Variants in RPTOR observed in about 807,000 individuals in gnomAD.
RPTOR encodes regulatory associated protein of MTOR complex 1.
Under a neutral mutation model 169.9 loss-of-function variants are expected in RPTOR, and 21 were observed. That is an observed-to-expected ratio of 0.12 (90% CI 0.09 to 0.18). RPTOR has a LOEUF of 0.18. RPTOR is among the 10% of genes least tolerant of loss of function. The probability of loss-of-function intolerance (pLI) is 1.00; values close to 1 mark genes in which losing one functional copy is unlikely to be tolerated. For synonymous variants in RPTOR, 732 were observed against 753.2 expected (o/e 0.97, Z 0.46); for missense variants, 1,133 against 1,855.9 (o/e 0.61, Z 7.16).
In RPTOR at chr17:80,871,171, TCTCGGCTCACTGCAAC is replaced by T. The variant is rs145076742; in HGVS notation, c.1510-9240_1510-9225del. On this transcript the variant is annotated intron_variant, in intron 13 of 33. Coordinates refer to ENST00000306801, the MANE Select transcript of RPTOR (RefSeq NM_020761.3). ...CCCAGTCTGGAGTGCAGTGGCGCGA[TCTCGGCTCACTGCAAC>T]CTCTGCCTCCTGTGTTCACGCCATT... 2.5e-3 allele frequency among the ~76,000 whole-genome samples: 383 copies of T among 152,302 alleles called. 7 individuals carry two copies. Among genetic ancestry groups the T allele is most frequent in the African/African-American group, 8.9e-3 (369 of 41,554 alleles).
chr17:80,551,818 A>G (rs917938589), intron 1 of RPTOR, among the ~76,000 whole-genome samples: 29 of 152,106 alleles, frequency 1.9e-4, no homozygotes, highest in African/African-American at 4.6e-4. Context: ...ATTTCAGACT[A>G]TCACATGGGG....
At chr17:80,575,119 C>T (rs2064950424) in intron 1 of RPTOR, among the ~76,000 whole-genome samples, 1 of 152,070 alleles carries the variant, frequency 6.6e-6, no homozygotes, top group Non-Finnish European at 1.5e-5. Context: ...ATGCACTTAG[C>T]ATTTAGAAAT....
rs17848636 is a variant in RPTOR, at chr17:80,857,766, G to A, written c.1399-24G>A. The A allele has an allele frequency of 3.2e-4, 497 of 1,572,132 alleles. 6 individuals are homozygous for A. In the East Asian group the frequency reaches 0.01, roughly 32 times the overall value. On this transcript the variant is annotated intron_variant, in intron 12 of 33. Coordinates refer to ENST00000306801, the MANE Select transcript of RPTOR (RefSeq NM_020761.3). ...CGTTCCCTTGCTGCGGCACAGGTGC[G>A]CTGACGCCCTCCCTCGCCCCCAGGC...
Position 80,844,741 on chromosome 17 carries a change from G to T in RPTOR, c.1213-1732G>T, listed in dbSNP as rs2067707337. On this transcript the variant is annotated intron_variant, in intron 10 of 33. Transcript: ENST00000306801. This position sits in a 1 kb window ranked among gnomAD's most constrained non-coding sequence, Gnocchi z 4.7. The stretch of plus-strand genomic sequence containing the variant: ...GTGGAGGCTGCCGAGAGCGCTCCTG[G>T]ACTTGGGCGCACGGAGGCACCCTGT... Among the ~76,000 whole-genome samples the T allele has an allele frequency of 6.6e-6, 1 of 152,214 alleles. No individual in the cohort carries two copies. The highest frequency in any genetic ancestry group is 1.5e-5 in the Non-Finnish European group (1 of 68,036).
At chr17:80,751,189 T>A (rs2066626791) in intron 5 of RPTOR, among the ~76,000 whole-genome samples, 1 of 152,184 alleles carries the variant, frequency 6.6e-6, no homozygotes, top group Non-Finnish European at 1.5e-5. Context: ...TGTGTGTATT[T>A]CATTCCGAAA....
At chr17:80,922,928 C>G in intron 22 of RPTOR, 101 bp downstream of exon 22, 1 of 1,002,180 alleles carries the variant, frequency 1.0e-6, no homozygotes, top group South Asian at 1.5e-5. Context: ...CCTTCCCCGC[C>G]CTGTCTTGGC....
At chr17:80,930,009 C>T (rs1598407303) in intron 24 of RPTOR, among the ~76,000 whole-genome samples, 1 of 152,058 alleles carries the variant, frequency 6.6e-6, no homozygotes, top group South Asian at 2.1e-4. Flanking sequence ...CTCGGCTCAT[C>T]CTCAGCTCAT....
intron 13 of RPTOR, among the ~76,000 whole-genome samples, chr17:80,863,141 A>G (rs1398580714): frequency 6.6e-6 from 1 of 152,162 alleles, no homozygotes; most frequent in Non-Finnish European, 1.5e-5. Context: ...GCCACCGGGG[A>G]GAAGTGTGTG....
rs1427613157 is a variant in RPTOR at position 80,960,146 on chromosome 17, G to A, written c.3546G>A (p.Val1182=). The change falls in exon 30 of 34, where the codon GTG becomes GTA. Residue 1182 remains valine, a synonymous_variant. Transcript: ENST00000306801. The surrounding 1 kb of genome is among the most constrained non-coding windows in gnomAD (Gnocchi z 4.8). The part of the protein sequence containing the change: ...LSCDSHRSLI[V]AGLGDGSIRV... ...GTGATTCCCACCGCTCACTCATCGTGGCTGGCCTCGGTGACGGCTCCATCC... is the reference window on the plus strand; with the variant it reads ...GTGATTCCCACCGCTCACTCATCGTAGCTGGCCTCGGTGACGGCTCCATCC... The A allele has an allele frequency of 6.2e-7, 1 of 1,613,666 alleles. No homozygotes were observed. Among genetic ancestry groups the A allele is most frequent in the Non-Finnish European group, 8.5e-7 (1 of 1,180,018 alleles).
rs551783002 is a variant in RPTOR, at chr17:80,726,376, A to T, written c.508-4184A>T. On this transcript the variant is annotated intron_variant, in intron 4 of 33. Coordinates refer to ENST00000306801, the MANE Select transcript of RPTOR (RefSeq NM_020761.3). The surrounding 1 kb of genome is among the most constrained non-coding windows in gnomAD (Gnocchi z 4.5). The stretch of plus-strand genomic sequence containing the variant: ...CGGTAACCTGGTGCTCGCCGCCCAC[A>T]GATCACGGGGCGTGGAGGGAGAGAC... Among the ~76,000 whole-genome samples, 3 of 152,352 alleles carry T rather than the reference A, an allele frequency of 2.0e-5. No homozygotes were observed. In the East Asian group the frequency reaches 5.8e-4, roughly 29 times the overall value.
intron 19 of RPTOR, among the ~76,000 whole-genome samples, chr17:80,893,340 T>C (rs576489861): frequency 1.3e-4 from 18 of 139,070 alleles, no homozygotes; most frequent in East Asian, 6.3e-4. Context: ...CAGGTGTGTG[T>C]GCGCCAGGGT....
At chr17:80,778,647 A>G (rs939720507) in intron 6 of RPTOR, among the ~76,000 whole-genome samples, 4 of 152,084 alleles carry the variant, frequency 2.6e-5, no homozygotes, top group African/African-American at 9.7e-5. Flanking sequence ...ACTTTCTTCA[A>G]AAAATTAGCC....
At chr17:80,950,334 A>G (rs976156044) in intron 28 of RPTOR, among the ~76,000 whole-genome samples, 1 of 151,890 alleles carries the variant, frequency 6.6e-6, no homozygotes, top group Admixed American at 6.6e-5. Context: ...ATGTGGCCTT[A>G]CACCTCGTGG....
intron 9 of RPTOR, among the ~76,000 whole-genome samples, chr17:80,830,499 C>T (rs749302371): frequency 6.6e-6 from 1 of 152,242 alleles, no homozygotes. Flanking sequence ...TTTCCAGGTG[C>T]TCTGCCAAAG....
At chr17:80,769,306 A>G (rs1194008601) in intron 6 of RPTOR, among the ~76,000 whole-genome samples, 1 of 152,248 alleles carries the variant, frequency 6.6e-6, no homozygotes, top group African/African-American at 2.4e-5. Context: ...TAAATGTTGT[A>G]TATGTATGTT....
At chr17:80,728,377 G>C (rs1347029120) in intron 4 of RPTOR, among the ~76,000 whole-genome samples, 3 of 151,548 alleles carry the variant, frequency 2.0e-5, no homozygotes, top group South Asian at 4.2e-4. Context: ...CTTAATTAAG[G>C]CCTTTCATAT....
At chr17:80,825,225 C>T (rs1180060759) in intron 9 of RPTOR, among the ~76,000 whole-genome samples, 1 of 150,654 alleles carries the variant, frequency 6.6e-6, no homozygotes, top group Non-Finnish European at 1.5e-5. Flanking sequence ...GCAGCCACAT[C>T]CCACCTCTCC....
rs760745085 is a variant in RPTOR, at chr17:80,884,000, GTCC to G, written c.1842+33_1842+35del. The stretch of plus-strand genomic sequence containing the variant: ...GAGTCAGGCGGGGGCTCAGAGTCCA[GTCC>G]TCCTGGCTGCCGACTGCGGGGGTAA... On this transcript the variant is annotated intron_variant, in intron 16 of 33. Coordinates refer to ENST00000306801, the MANE Select transcript of RPTOR (RefSeq NM_020761.3). The G allele has an allele frequency of 4.4e-6, 7 of 1,594,880 alleles. No individual in the cohort carries two copies. The South Asian group carries it at 7.8e-5, about 18-fold the overall frequency.
At chr17:80,763,491 C>T (rs967367529) in intron 6 of RPTOR, among the ~76,000 whole-genome samples, 2 of 152,218 alleles carry the variant, frequency 1.3e-5, no homozygotes, top group African/African-American at 2.4e-5. Flanking sequence ...TGGCCTCGAA[C>T]GAGATAAGAT....
Sources: allele counts gnomAD v4.1 joint callset (sites outside exome capture counted in the v4.1 genomes callset), GRCh38; gene constraint gnomAD v4.1.1; non-coding constraint Gnocchi (gnomAD v3.1); transcripts MANE v1.5; gene names NCBI Gene and HGNC (gene_info 2026-07-23, HGNC 2026-07-21).